The following TRIM5 variants were observed in gnomAD, a reference collection of about 807,000 sequenced individuals.
The protein encoded by TRIM5 is tripartite motif containing 5, also known as tripartite motif-containing protein 5.
TRIM5 carries 31 observed loss-of-function variants against 35.6 expected under a neutral mutation model. The observed-to-expected ratio is 0.87, with a 90% confidence interval of 0.65 to 1.18. TRIM5 has a LOEUF of 1.18. Among genes scored for constraint, TRIM5 ranks in the 50% most tolerant of loss-of-function variants. The pLI, the probability that TRIM5 is intolerant of heterozygous loss-of-function variation, is 0.00. For missense variants in TRIM5, 609 were observed against 591.6 expected (o/e 1.03, Z -0.31); for synonymous variants, 243 against 215.6 (o/e 1.13, Z -1.11).
intron 4 of TRIM5, among the ~76,000 whole-genome samples, chr11:5,671,525 AT>A (rs1851590318): frequency 6.6e-6 from 1 of 152,082 alleles, no homozygotes; most frequent in Non-Finnish European, 1.5e-5. Flanking sequence ...AATTCTGAAA[AT>A]TTTAAGTAAA....
chr11:5,624,728 T>C, the TRIM5 span: 1 of 152,264 alleles, frequency 6.6e-6, no homozygotes, highest in Non-Finnish European at 1.5e-5. Context: ...AGCATTCCCC[T>C]AGTTAACAAC....
the TRIM5 span, chr11:5,644,122 A>T: frequency 5.0e-6 from 2 of 401,714 alleles, no homozygotes; most frequent in Non-Finnish European, 8.8e-6. Context: ...TGCTCAGGAT[A>T]CCCCAGGTAC....
At chr11:5,659,521 A>C (rs937142927), downstream of TRIM5, among the ~76,000 whole-genome samples, 1 of 152,210 alleles carries the variant, frequency 6.6e-6, no homozygotes, top group Non-Finnish European at 1.5e-5. Flanking sequence ...AATTGCATGG[A>C]AATTCTAAGT....
chr11:5,682,513 C>T (rs931625029), intron 1 of TRIM5, among the ~76,000 whole-genome samples: 10 of 152,134 alleles, frequency 6.6e-5, no homozygotes, highest in African/African-American at 1.2e-4. Context: ...TTTTTCTTAA[C>T]GTTTTTCTTT....
chr11:5,605,714 T>C, the TRIM5 span: 1 of 990,664 alleles, frequency 1.0e-6, no homozygotes, highest in Non-Finnish European at 1.4e-6. Context: ...TATTAAACTG[T>C]TTAGAGGTAT....
chr11:5,665,521 A>C lies in TRIM5; in HGVS notation c.896-126T>G, dbSNP rs559855031. Reference sequence around the variant, plus strand: ...TTGTTTAGAAGTTATAAGGAGGGGTAAGTTATGTGTGTCTTGGAAGGAGAA... The same window carrying C: ...TTGTTTAGAAGTTATAAGGAGGGGTCAGTTATGTGTGTCTTGGAAGGAGAA... On this transcript the variant is annotated intron_variant, in intron 7 of 7. Transcript: ENST00000380034. The C allele has an allele frequency of 1.5e-5, 23 of 1,554,520 alleles. No homozygotes were observed. The South Asian group carries it at 2.9e-4, about 20-fold the overall frequency.
chr11:5,656,415 G>A, the TRIM5 span, among the ~76,000 whole-genome samples: 1 of 149,706 alleles, frequency 6.7e-6, no homozygotes, highest in Non-Finnish European at 1.5e-5. Flanking sequence ...GTGCAGTGGT[G>A]TGATCTTGGC....
rs545334908 is a variant in TRIM5, at chr11:5,679,566, T to C, written c.417+195A>G. 9.9e-5 allele frequency among the ~76,000 whole-genome samples: 15 copies of C among 152,194 alleles called. No individual in the cohort carries two copies. The East Asian group carries it at 2.5e-3, about 26-fold the overall frequency. On this transcript the variant is annotated intron_variant, in intron 2 of 7. Transcript: ENST00000380034. ...TTTACTCCCGGCCAGGAATATATAC[T>C]CTAGGATTATTCTCCTGTAATTGGG...
chr11:5,643,261 G>C, the TRIM5 span: 4 of 1,613,940 alleles, frequency 2.5e-6, no homozygotes, highest in Non-Finnish European at 8.5e-7. Context: ...GGTGTCTTGG[G>C]ATCCCAATAT....
At chr11:5,663,184 A>G, downstream of TRIM5, 1 of 896,346 alleles carries the variant, frequency 1.1e-6, no homozygotes, top group South Asian at 5.1e-5. Context: ...ATAATGGATT[A>G]CCCCTTACAT....
At chr11:5,632,436 C>G in the TRIM5 span, 1 of 1,613,996 alleles carries the variant, frequency 6.2e-7, no homozygotes, top group East Asian at 2.2e-5. Flanking sequence ...ACAGCCTCTG[C>G]CGAGCCTGCA....
At chr11:5,609,513 CA>C in the TRIM5 span, among the ~76,000 whole-genome samples, 3 of 152,026 alleles carry the variant, frequency 2.0e-5, no homozygotes, top group Non-Finnish European at 4.4e-5. Context: ...TTAGAGGTAG[CA>C]AAAGATTTCC....
the TRIM5 span, chr11:5,643,202 G>C: frequency 1.2e-6 from 2 of 1,610,062 alleles, no homozygotes; most frequent in East Asian, 4.5e-5. Context: ...CAGAAGATCA[G>C]AGACAAGTGA....
the TRIM5 span, among the ~76,000 whole-genome samples, chr11:5,635,109 T>C: frequency 6.6e-6 from 1 of 152,356 alleles, no homozygotes; most frequent in South Asian, 2.1e-4. Flanking sequence ...TGTGATCTAG[T>C]GTCAAGCATT....
intron 1 of TRIM5, among the ~76,000 whole-genome samples, chr11:5,683,237 C>G (rs942356024): frequency 6.6e-6 from 1 of 152,238 alleles, no homozygotes; most frequent in Non-Finnish European, 1.5e-5. Flanking sequence ...AGCACCGCCC[C>G]CTGCTCCACG....
downstream of TRIM5, among the ~76,000 whole-genome samples, chr11:5,662,934 G>A (rs559393592): frequency 2.6e-5 from 4 of 152,162 alleles, no homozygotes; most frequent in East Asian, 5.8e-4. Flanking sequence ...TTCGGGATCC[G>A]CCTGGGCAAC....
the TRIM5 span, chr11:5,644,242 G>T: frequency 2.5e-6 from 1 of 398,812 alleles, no homozygotes; most frequent in Admixed American, 4.4e-5. Context: ...TAATCATGAT[G>T]AATACTTTCT....
the TRIM5 span, among the ~76,000 whole-genome samples, chr11:5,646,102 T>C: frequency 1.5e-5 from 2 of 137,818 alleles, no homozygotes; most frequent in Non-Finnish European, 3.2e-5. Context: ...ATGTATATTA[T>C]ATAAATATAC....
chr11:5,683,790 T>A (rs1198497249), intron 1 of TRIM5, among the ~76,000 whole-genome samples: 1 of 152,152 alleles, frequency 6.6e-6, no homozygotes, highest in Non-Finnish European at 1.5e-5. Context: ...CACTCGGCTC[T>A]CTGTAAAATG....
Sources: gnomAD v4.1 joint callset for allele counts (sites outside exome capture counted in the v4.1 genomes callset) on GRCh38, gnomAD v4.1.1 for gene constraint, MANE v1.5 for transcripts, NCBI Gene and HGNC (gene_info 2026-07-23, HGNC 2026-07-21) for gene names.